Variants in FBN1 observed in about 807,000 individuals in gnomAD.
FBN1 encodes the protein fibrillin-1.
In FBN1, 29 loss-of-function variants were observed where a neutral mutation model predicts 365.1. The observed-to-expected ratio is 0.08, with a 90% confidence interval of 0.06 to 0.11. The LOEUF (loss-of-function observed/expected upper bound fraction) is 0.11, where lower values mean the gene tolerates loss of function less well. FBN1 is among the 10% of genes least tolerant of loss of function. The pLI is 1.00. For synonymous variants in FBN1, 1,210 were observed against 1,270.5 expected (o/e 0.95, Z 1.01); for missense variants, 2,476 against 3,703.2 (o/e 0.67, Z 8.60).
intron 49 of FBN1, among the ~76,000 whole-genome samples, chr15:48,443,819 G>T (rs1463991936): frequency 3.3e-5 from 5 of 152,096 alleles, no homozygotes. Context: ...GATCATTTGA[G>T]GCCAGGAGTT....
intron 44 of FBN1, among the ~76,000 whole-genome samples, chr15:48,455,635 A>C (rs1268887723): frequency 2.0e-5 from 3 of 152,178 alleles, no homozygotes; most frequent in Non-Finnish European, 4.4e-5. Context: ...ACTTGGGCCA[A>C]GGTCTGAACT....
At chr15:48,544,854 G>GA (rs529291365) in intron 6 of FBN1, among the ~76,000 whole-genome samples, 267 of 150,482 alleles carry the variant, frequency 1.8e-3, no homozygotes, top group Middle Eastern at 3.5e-3. Flanking sequence ...ACTTTTACTA[G>GA]AAAAAAAAAG....
At chr15:48,542,829 G>GTGTGTGTGTGTGT (rs1233310995) in intron 6 of FBN1, among the ~76,000 whole-genome samples, 1 of 128,940 alleles carries the variant, frequency 7.8e-6, no homozygotes, top group African/African-American at 2.6e-5. Flanking sequence ...GTGTGTGTGT[G>GTGTGTGTGTGTGT]TATTTTTTTT....
At chr15:48,434,147 C>T (rs962631777) in intron 54 of FBN1, among the ~76,000 whole-genome samples, 8 of 152,104 alleles carry the variant, frequency 5.3e-5, no homozygotes, top group African/African-American at 1.7e-4. Context: ...TACAGGCAAC[C>T]GCTTTTGCTG....
intron 6 of FBN1, among the ~76,000 whole-genome samples, chr15:48,551,748 C>T (rs1172902824): frequency 6.6e-6 from 1 of 152,128 alleles, no homozygotes; most frequent in African/African-American, 2.4e-5. Context: ...TTAGTTCCCA[C>T]TTATAAGTAA....
intron 10 of FBN1, among the ~76,000 whole-genome samples, chr15:48,517,897 T>C (rs1016382423): frequency 6.6e-6 from 1 of 152,232 alleles, no homozygotes; most frequent in African/African-American, 2.4e-5. Flanking sequence ...CAGACAGTAA[T>C]AGGTCTTACT....
intron 2 of FBN1, among the ~76,000 whole-genome samples, chr15:48,628,149 G>A (rs539783138): frequency 5.3e-5 from 8 of 152,208 alleles, no homozygotes; most frequent in Admixed American, 2.0e-4. Flanking sequence ...ATGCACATGC[G>A]CACGTATCAT....
intron 33 of FBN1, 22 bp downstream of exon 33, chr15:48,474,506 C>G: frequency 3.1e-6 from 5 of 1,614,140 alleles, no homozygotes; most frequent in Non-Finnish European, 4.2e-6. Flanking sequence ...TGATAAGCAA[C>G]CTCTGTTACT....
chr15:48,571,562 T>A (rs1013751864), intron 6 of FBN1, among the ~76,000 whole-genome samples: 1 of 152,206 alleles, frequency 6.6e-6, no homozygotes, highest in Admixed American at 6.5e-5. Flanking sequence ...TAAAAAAAGA[T>A]TTAAGAACCT....
In FBN1 at chr15:48,596,271, A is replaced by G. The variant is rs767564126; in HGVS notation, c.538+12T>C. The G allele has an allele frequency of 6.2e-7, 1 of 1,611,262 alleles. No homozygotes were observed. Among genetic ancestry groups the G allele is most frequent in the Non-Finnish European group, 8.5e-7 (1 of 1,177,428 alleles). ...AGCATGTCTTTACGTAAATGATTTT[A>G]AAAACCATTACCTCTTTCACACTGG... is the stretch of plus-strand genomic sequence containing the variant. On this transcript the variant is annotated intron_variant, in intron 6 of 65. Coordinates refer to ENST00000316623, the MANE Select transcript of FBN1 (RefSeq NM_000138.5).
intron 42 of FBN1, among the ~76,000 whole-genome samples, chr15:48,462,351 CTTTT>C (rs5812454): frequency 1.3e-5 from 2 of 151,142 alleles, no homozygotes; most frequent in Non-Finnish European, 3.0e-5. Flanking sequence ...GCAATTTAGC[CTTTT>C]TTTTTTAAGA....
At position 48,422,230 on chromosome 15, in the gene FBN1, C is replaced by T. The variant is rs185133826; in HGVS notation, c.7454-162G>A. Among the ~76,000 whole-genome samples, 415 of 152,172 alleles carry T rather than the reference C, an allele frequency of 2.7e-3. 6 individuals carry two copies. The highest frequency in any genetic ancestry group is 6.0e-4 in the Non-Finnish European group (41 of 68,000). On this transcript the variant is annotated intron_variant, in intron 60 of 65. Coordinates refer to ENST00000316623, the MANE Select transcript of FBN1 (RefSeq NM_000138.5). ...AAGGAGAGACACAGGGGGTAAAGATCTGAAAGATAAAACAAGGTGTCAATT... is the reference window on the plus strand; with the variant it reads ...AAGGAGAGACACAGGGGGTAAAGATTTGAAAGATAAAACAAGGTGTCAATT...
intron 4 of FBN1, among the ~76,000 whole-genome samples, chr15:48,606,642 G>A (rs2044613446): frequency 6.6e-6 from 1 of 152,182 alleles, no homozygotes; most frequent in African/African-American, 2.4e-5. Flanking sequence ...TTGTGGTGAT[G>A]GAAATGTTCT....
chr15:48,539,015 C>A (rs60281866), intron 6 of FBN1, among the ~76,000 whole-genome samples: 17,477 of 152,198 alleles, frequency 0.11, 1,177 homozygotes, highest in Non-Finnish European at 0.14. Context: ...GAAAAAAGGA[C>A]AACTTTTCAT....
chr15:48,572,895 G>C (rs1281915858), intron 6 of FBN1, among the ~76,000 whole-genome samples: 1 of 152,146 alleles, frequency 6.6e-6, no homozygotes, highest in Non-Finnish European at 1.5e-5. Flanking sequence ...GCACTGTTTT[G>C]CATTTAAATT....
rs534060118 is a variant in FBN1 at position 48,592,773 on chromosome 15, T to C, written c.538+3510A>G. Among the ~76,000 whole-genome samples the C allele has an allele frequency of 4.6e-5, 7 of 152,324 alleles. No individual in the cohort carries two copies. The South Asian group carries it at 1.2e-3, about 27-fold the overall frequency. Reference sequence around the variant, plus strand: ...TTGAATGCTCACAAGGGCTAATACCTAAGCTAAATGAATGAACTTGAGCAA... The same window carrying C: ...TTGAATGCTCACAAGGGCTAATACCCAAGCTAAATGAATGAACTTGAGCAA... On this transcript the variant is annotated intron_variant, in intron 6 of 65. Transcript: ENST00000316623.
At chr15:48,512,863 G>A (rs905574099) in intron 13 of FBN1, among the ~76,000 whole-genome samples, 1 of 151,986 alleles carries the variant, frequency 6.6e-6, no homozygotes, top group African/African-American at 2.4e-5. Flanking sequence ...CCCTGACAGT[G>A]ATCATTGTAT....
Position 48,452,665 on chromosome 15 carries a change from G to T in FBN1, c.5442C>A (p.Asn1814Lys). The change falls in exon 45 of 66, where the codon AAC becomes AAA. Residue 1814 changes from asparagine to lysine, a missense_variant. Physicochemically the swap from Asn to Lys is moderately conservative, Grantham distance 94 (BLOSUM62 0). Transcript: ENST00000316623. ...CGGCGTTGCGCTGGCACACTGGGCC[G>T]TTCTGACACTCGTCAATATCTACGA... ...LVCEDIDECQ[N>K]GPVCQRNAEC... is the part of the protein sequence containing the mutation. The T allele has an allele frequency of 6.2e-7, 1 of 1,614,144 alleles. No homozygotes were observed. Among genetic ancestry groups the T allele is most frequent in the Non-Finnish European group, 8.5e-7 (1 of 1,179,984 alleles).
chr15:48,462,524 C>T (rs1310074135), intron 42 of FBN1, among the ~76,000 whole-genome samples: 1 of 151,556 alleles, frequency 6.6e-6, no homozygotes, highest in Non-Finnish European at 1.5e-5. Context: ...ATAGGAGCTG[C>T]TAGAAAGTTT....
Sources: gnomAD v4.1 joint callset for allele counts (sites outside exome capture counted in the v4.1 genomes callset) on GRCh38, gnomAD v4.1.1 for gene constraint, MANE v1.5 for transcripts, NCBI Gene and HGNC (gene_info 2026-07-23, HGNC 2026-07-21) for gene names.